PARN: variants seen among roughly 807,000 people sequenced by gnomAD.
PARN encodes poly(A)-specific ribonuclease PARN.
PARN carries 71 observed loss-of-function variants against 102.8 expected under a neutral mutation model. The ratio of observed to expected loss-of-function variants is 0.69; its 90% CI spans 0.57 to 0.84. The LOEUF (loss-of-function observed/expected upper bound fraction) is 0.84, where lower values mean the gene tolerates loss of function less well. Among genes scored for constraint, PARN ranks in the 40% least tolerant of loss-of-function variants. PARN has a pLI of 0.00. For synonymous variants in PARN, 261 were observed against 252.9 expected, an observed-to-expected ratio of 1.03 and a Z score of -0.30; for missense variants, 782 against 760.9, an observed-to-expected ratio of 1.03 and a Z score of -0.33.
intron 22 of PARN, among the ~76,000 whole-genome samples, chr16:14,450,167 T>C (rs765538994): frequency 2.0e-5 from 3 of 152,326 alleles, no homozygotes; most frequent in Non-Finnish European, 4.4e-5. Context: ...AAAATGATTA[T>C]GGAAAGATTT....
intron 12 of PARN, among the ~76,000 whole-genome samples, chr16:14,598,099 G>A (rs1264441830): frequency 6.6e-6 from 1 of 152,058 alleles, no homozygotes; most frequent in Non-Finnish European, 1.5e-5. Context: ...AGCCAGGATT[G>A]CGCCACTGCA....
chr16:14,468,474 G>C (rs2151580935), intron 22 of PARN, among the ~76,000 whole-genome samples: 1 of 152,054 alleles, frequency 6.6e-6, no homozygotes, highest in East Asian at 1.9e-4. Context: ...AGAGAAGGAA[G>C]AGCAGTAAGG....
intron 5 of PARN, among the ~76,000 whole-genome samples, chr16:14,619,728 C>T (rs778623810): frequency 1.3e-5 from 2 of 151,592 alleles, no homozygotes; most frequent in Non-Finnish European, 2.9e-5. Context: ...GTGATCACAC[C>T]GCTGGACTCC....
At chr16:14,456,818 G>A (rs187666372) in intron 22 of PARN, among the ~76,000 whole-genome samples, 17 of 152,208 alleles carry the variant, frequency 1.1e-4, no homozygotes, top group Admixed American at 9.8e-4. Flanking sequence ...AGAGACCCCC[G>A]CACCATCCCC....
At chr16:14,436,925 C>T (rs534354533) in intron 23 of PARN, among the ~76,000 whole-genome samples, 153 bp from the exon 24 acceptor site, 1 of 152,330 alleles carries the variant, frequency 6.6e-6, no homozygotes, top group East Asian at 1.9e-4. Context: ...AGTCCACAGA[C>T]AGGTCTTGTC....
chr16:14,533,685 G>T (rs922762993), intron 21 of PARN, among the ~76,000 whole-genome samples: 1 of 152,118 alleles, frequency 6.6e-6, no homozygotes, highest in African/African-American at 2.4e-5. Context: ...ACCGGAGGGT[G>T]AGCACAGGCA....
At chr16:14,442,423 C>T (rs1375385449) in intron 23 of PARN, among the ~76,000 whole-genome samples, 4 of 152,156 alleles carry the variant, frequency 2.6e-5, no homozygotes, top group Admixed American at 6.5e-5. Flanking sequence ...GTGGCTGGCA[C>T]TACCAATCAA....
intron 13 of PARN, among the ~76,000 whole-genome samples, chr16:14,590,053 C>T (rs750163323): frequency 4.0e-5 from 6 of 151,168 alleles, no homozygotes; most frequent in African/African-American, 7.3e-5. Context: ...GAGTTCAAGA[C>T]CAGCCTTGCC....
Position 14,609,140 on chromosome 16 carries a change from G to C in PARN, c.555-17C>G, listed in dbSNP as rs1971367421. The C allele has an allele frequency of 1.6e-6, 2 of 1,280,806 alleles. No homozygotes were observed. Among genetic ancestry groups the C allele is most frequent in the Admixed American group, 2.0e-5 (1 of 49,348 alleles). The allele number at this position is 1,280,806 out of a possible 1,614,324, so 79.3% of individuals were successfully genotyped here. A position where few individuals can be genotyped will look rare whatever the true frequency, so the allele number is the denominator to read the frequency against. ...ATTTTCTCTCTGAGGAATAAGAATA[G>C]ACCATAACCATCAGTACCTTTAAGG... is the stretch of plus-strand genomic sequence containing the variant. On this transcript the variant is annotated splice_polypyrimidine_tract_variant and intron_variant, in intron 7 of 23. Transcript: ENST00000437198.
At chr16:14,521,868 C>T (rs777563645) in intron 21 of PARN, among the ~76,000 whole-genome samples, 1 of 151,870 alleles carries the variant, frequency 6.6e-6, no homozygotes, top group Non-Finnish European at 1.5e-5. Context: ...CCCCCTTATA[C>T]ATGGTGGTCC....
chr16:14,440,855 T>C (rs185478663), intron 23 of PARN, among the ~76,000 whole-genome samples: 1 of 151,216 alleles, frequency 6.6e-6, no homozygotes, highest in Admixed American at 6.6e-5. Context: ...TGTGTGGGGG[T>C]TGGGGGAAGG....
At chr16:14,477,578 C>CCAT (rs1963136559) in intron 22 of PARN, among the ~76,000 whole-genome samples, 1 of 151,886 alleles carries the variant, frequency 6.6e-6, no homozygotes, top group Admixed American at 6.6e-5. Context: ...GAGTTCGAGA[C>CCAT]CATCCTGGCC....
intron 21 of PARN, 128 bp downstream of exon 21, chr16:14,551,893 A>G (rs913325583): frequency 6.5e-6 from 4 of 620,000 alleles, no homozygotes; most frequent in Middle Eastern, 4.0e-4. Flanking sequence ...TTCAGAGACA[A>G]TCTCAAAAAC....
At chr16:14,599,745 G>A (rs934455595) in intron 12 of PARN, among the ~76,000 whole-genome samples, 159 bp downstream of exon 12, 3 of 152,072 alleles carry the variant, frequency 2.0e-5, no homozygotes, top group Non-Finnish European at 2.9e-5. Flanking sequence ...CTCACCAAGT[G>A]CATTATAACA....
intron 18 of PARN, among the ~76,000 whole-genome samples, chr16:14,562,383 G>C (rs868166854): frequency 1.4e-5 from 2 of 147,810 alleles, no homozygotes; most frequent in African/African-American, 5.0e-5. Flanking sequence ...CCCTGAGCCT[G>C]AGAGGTGGAG....
At chr16:14,518,437 T>TA (rs199829885) in intron 21 of PARN, among the ~76,000 whole-genome samples, 31 of 148,782 alleles carry the variant, frequency 2.1e-4, no homozygotes, top group East Asian at 1.4e-3. Flanking sequence ...TGTTAAAATT[T>TA]AAAAAAAAAA....
chr16:14,518,563 T>C (rs1965578237), intron 21 of PARN, among the ~76,000 whole-genome samples: 1 of 152,066 alleles, frequency 6.6e-6, no homozygotes, highest in South Asian at 2.1e-4. Context: ...TAGAAAAAAG[T>C]AAATATAGCA....
chr16:14,629,570 T>C (rs1297866257), intron 2 of PARN, 27 bp downstream of exon 2: 1 of 1,555,428 alleles, frequency 6.4e-7, no homozygotes, highest in African/African-American at 1.4e-5. Context: ...TGCAAAGTGC[T>C]AGCCTGAGCT....
At chr16:14,626,628 T>TA (rs1339904169) in intron 5 of PARN, among the ~76,000 whole-genome samples, 3 of 152,064 alleles carry the variant, frequency 2.0e-5, no homozygotes, top group African/African-American at 7.2e-5. Flanking sequence ...TTTTTTTTTT[T>TA]TGAGCCAGAG....
Sources: gnomAD v4.1 joint callset for allele counts (sites outside exome capture counted in the v4.1 genomes callset) on GRCh38, gnomAD v4.1.1 for gene constraint, MANE v1.5 for transcripts, NCBI Gene and HGNC (gene_info 2026-07-23, HGNC 2026-07-21) for gene names.